PIEZO2: variants seen among roughly 807,000 people sequenced by gnomAD.
The protein encoded by PIEZO2 is piezo-type mechanosensitive ion channel component 2.
Under a neutral mutation model 337.3 loss-of-function variants are expected in PIEZO2, and 172 were observed. The ratio of observed to expected loss-of-function variants is 0.51; its 90% confidence interval spans 0.45 to 0.58. PIEZO2 has a LOEUF of 0.58. PIEZO2 is among the 20% of genes least tolerant of loss of function. The pLI is 0.00. For missense variants in PIEZO2, 3,028 were observed against 3,391.3 expected (o/e 0.89, Z 2.66); for synonymous variants, 1,251 against 1,228.5 (o/e 1.02, Z -0.38).
chr18:11,095,486 A>G lies in PIEZO2; in HGVS notation c.65-29264T>C, dbSNP rs181874209. Among the ~76,000 whole-genome samples, 333 of 152,360 alleles carry G rather than the reference A, an allele frequency of 2.2e-3. 2 individuals carry two copies. Among genetic ancestry groups the G allele is most frequent in the African/African-American group, 7.4e-3 (308 of 41,592 alleles). ...CAGACCTCAGTTAGAACACAGGTCA[A>G]CATTGGCTCTGCCCCCACTGCAGCC... On this transcript the variant is annotated intron_variant, in intron 1 of 55. Coordinates refer to ENST00000674853, the MANE Select transcript of PIEZO2 (RefSeq NM_001378183.1).
chr18:10,896,756 G>A (rs1043719842), intron 4 of PIEZO2, among the ~76,000 whole-genome samples: 2 of 152,220 alleles, frequency 1.3e-5, no homozygotes, highest in East Asian at 1.9e-4. Flanking sequence ...AATTCAGGAT[G>A]TTAGTTCACT....
At chr18:11,076,011 C>A (rs1165028016) in intron 1 of PIEZO2, among the ~76,000 whole-genome samples, 1 of 152,104 alleles carries the variant, frequency 6.6e-6, no homozygotes, top group Non-Finnish European at 1.5e-5. Flanking sequence ...TGGCCTGGAT[C>A]TCCTGACCTT....
chr18:10,779,947 T>A (rs1045877337), intron 18 of PIEZO2, among the ~76,000 whole-genome samples: 1 of 152,164 alleles, frequency 6.6e-6, no homozygotes, highest in African/African-American at 2.4e-5. Flanking sequence ...TTAGCAGGAA[T>A]GTTGGCATTT....
intron 2 of PIEZO2, among the ~76,000 whole-genome samples, chr18:11,005,041 A>T (rs2035671171): frequency 6.6e-6 from 1 of 152,258 alleles, no homozygotes; most frequent in Admixed American, 6.5e-5. Context: ...TGATGATTTC[A>T]ATATATGTTG....
At position 10,825,412 on chromosome 18, in the gene PIEZO2, C is replaced by T. The variant is rs922386184; in HGVS notation, c.918-18138G>A. ...GGTTGCAGGGGTAAAGTGCCATTCT[C>T]ATCACACCATTCCAAGGATACATGC... On this transcript the variant is annotated intron_variant, in intron 7 of 55. Transcript: ENST00000674853. Among the ~76,000 whole-genome samples the T allele has an allele frequency of 1.2e-4, 19 of 152,224 alleles. No individual in the cohort carries two copies. The South Asian group carries it at 1.9e-3, about 15-fold the overall frequency.
intron 1 of PIEZO2, among the ~76,000 whole-genome samples, chr18:11,135,031 A>G (rs1222331512): frequency 1.7e-5 from 2 of 120,342 alleles, no homozygotes; most frequent in Admixed American, 1.9e-4. Context: ...AGAAGAAATT[A>G]AGTAAGCAAA....
intron 4 of PIEZO2, among the ~76,000 whole-genome samples, chr18:10,904,315 G>T (rs1372720270): frequency 6.6e-6 from 1 of 152,180 alleles, no homozygotes; most frequent in Non-Finnish European, 1.5e-5. Context: ...CCATAAAACC[G>T]AGTTACCGCT....
In PIEZO2 at chr18:10,691,325, C is replaced by T. The variant is rs1160833301; in HGVS notation, c.7249G>A (p.Gly2417Arg). Residue 2417 changes from glycine to arginine, a missense_variant, in exon 48 of 56, where the codon GGG (glycine) becomes AGG (arginine). By Grantham distance (125) the Gly-to-Arg change is moderately radical. Around this residue, in one of 5 missense-constraint regions of PIEZO2, gnomAD observed 179 missense variants for 281.8 expected, o/e 0.64. Transcript: ENST00000674853. ...LWYFVKCVYF[G>R]LSAYQIRCGY... ...CAACGGATCTGGTAAGCAGACAACC[C>T]GAAGTAAACACATTTCACAAAGTAC... The T allele has an allele frequency of 5.0e-6, 8 of 1,613,838 alleles. No individual in the cohort carries two copies. Among genetic ancestry groups the T allele is most frequent in the African/African-American group, 1.3e-5 (1 of 74,878 alleles).
chr18:10,805,747 A>G (rs987298919), intron 8 of PIEZO2, among the ~76,000 whole-genome samples: 2 of 152,242 alleles, frequency 1.3e-5, no homozygotes, highest in African/African-American at 4.8e-5. Flanking sequence ...CCTAAAAGAA[A>G]GATGATCCAT....
chr18:10,902,736 A>G (rs1331014114), intron 4 of PIEZO2, among the ~76,000 whole-genome samples: 1 of 152,220 alleles, frequency 6.6e-6, no homozygotes, highest in Non-Finnish European at 1.5e-5. Context: ...TTACCACTGA[A>G]ATCATAGTTC....
Position 10,671,634 on chromosome 18 carries a change from G to T in PIEZO2, c.8491C>A (p.Arg2831=). Residue 2831 remains arginine, a synonymous_variant, in exon 56 of 56, where the codon CGA becomes AGA. Coordinates refer to ENST00000674853, the MANE Select transcript of PIEZO2 (RefSeq NM_001378183.1). ...TCTAGCTCCAGTTCTCCTGTCTCTC[G>T]AACTAAAAAAATATCTGTGCACAAC... ...LKLCTDIFLV[R]ETGELELEED... The T allele has an allele frequency of 6.2e-7, 1 of 1,613,770 alleles. No homozygotes were observed. Among genetic ancestry groups the T allele is most frequent in the Non-Finnish European group, 8.5e-7 (1 of 1,179,934 alleles).
At chr18:10,891,372 T>A (rs2042751177) in intron 4 of PIEZO2, among the ~76,000 whole-genome samples, 1 of 152,178 alleles carries the variant, frequency 6.6e-6, no homozygotes, top group Non-Finnish European at 1.5e-5. Context: ...GTAAAAAGTT[T>A]GACTACCATC....
chr18:10,782,364 TAA>T lies in PIEZO2; in HGVS notation c.2493-2000_2493-1999del, dbSNP rs374323201. Among the ~76,000 whole-genome samples, 194 of 37,738 alleles carry T rather than the reference TAA, an allele frequency of 5.1e-3. 1 individual carries two copies. The highest frequency in any genetic ancestry group is 0.023 in the African/African-American group (160 of 7,096). 24.8% of individuals were successfully genotyped at this position (37,738 alleles called of 152,430 possible). ...AATTATAATATATTATAATTATATA[TAA>T]ATAATTATAATATATTATAATTATA... On this transcript the variant is annotated intron_variant, in intron 17 of 55. Transcript: ENST00000674853.
In PIEZO2 at chr18:10,677,812, AT is replaced by A; in HGVS notation, c.8015del (p.Asn2672IlefsTer10). On this transcript the variant is annotated frameshift_variant, in exon 53 of 56. Coordinates refer to ENST00000674853, the MANE Select transcript of PIEZO2 (RefSeq NM_001378183.1). LOFTEE classifies it high-confidence loss of function. The surrounding 1 kb of genome is among the most constrained non-coding windows in gnomAD (Gnocchi z 4.1). ...TTTTAGCGATATTCTTTCGAGTAATATTTTTAAGAGGAAAAGAAAGCTTATC... is the reference window on the plus strand; with the variant it reads ...TTTTAGCGATATTCTTTCGAGTAATATTTTAAGAGGAAAAGAAAGCTTATC... ...ATDKLSFPLK[N>X]ITRKNIAKMI... The A allele has an allele frequency of 1.2e-6, 2 of 1,610,770 alleles. No homozygotes were observed. The highest frequency in any genetic ancestry group is 8.5e-7 in the Non-Finnish European group (1 of 1,179,300).
At chr18:10,729,719 G>A (rs1001065354) in intron 36 of PIEZO2, among the ~76,000 whole-genome samples, 7 of 151,760 alleles carry the variant, frequency 4.6e-5, no homozygotes, top group Admixed American at 4.6e-4. Flanking sequence ...AGTAACGACT[G>A]TTACTAATGA....
intron 1 of PIEZO2, among the ~76,000 whole-genome samples, chr18:11,108,334 G>A (rs1210982907): frequency 2.6e-5 from 4 of 152,118 alleles, no homozygotes; most frequent in African/African-American, 9.7e-5. Flanking sequence ...TAACAGCCGG[G>A]GCCAGGCACG....
intron 7 of PIEZO2, among the ~76,000 whole-genome samples, chr18:10,823,710 G>A (rs755071575): frequency 1.4e-4 from 22 of 152,110 alleles, no homozygotes; most frequent in Non-Finnish European, 2.5e-4. Flanking sequence ...GCAGATACAA[G>A]CAATACAAAG....
intron 3 of PIEZO2, among the ~76,000 whole-genome samples, chr18:10,966,262 A>G (rs1029784675): frequency 3.3e-5 from 5 of 152,074 alleles, no homozygotes; most frequent in African/African-American, 1.2e-4. Context: ...TAAGCCATTC[A>G]TTCTCCAAAC....
Position 10,853,640 on chromosome 18 carries a change from T to C in PIEZO2, c.917+1713A>G, listed in dbSNP as rs1018174185. Among the ~76,000 whole-genome samples the C allele has an allele frequency of 1.3e-5, 2 of 152,200 alleles. No individual in the cohort carries two copies. The highest frequency in any genetic ancestry group is 4.1e-4 in the South Asian group (2 of 4,826). On this transcript the variant is annotated intron_variant, in intron 7 of 55. Transcript: ENST00000674853. This position sits in a 1 kb window ranked among gnomAD's most constrained non-coding sequence, Gnocchi z 4.2. ...TTCCTCATGCAAAGAAAAGTTCAAATAGGACAGTGGATAACCCTATACTGA... is the reference window on the plus strand; with the variant it reads ...TTCCTCATGCAAAGAAAAGTTCAAACAGGACAGTGGATAACCCTATACTGA...
Sources: allele counts gnomAD v4.1 joint callset (sites outside exome capture counted in the v4.1 genomes callset), GRCh38; gene constraint gnomAD v4.1.1; regional missense constraint gnomAD v4.1.1; non-coding constraint Gnocchi (gnomAD v3.1); transcripts MANE v1.5; gene names NCBI Gene and HGNC (gene_info 2026-07-23, HGNC 2026-07-21).